LY96: variants seen among roughly 807,000 people sequenced by gnomAD.
The protein encoded by LY96 is lymphocyte antigen 96, also known as myeloid differentiation protein-2.
In LY96, 18 loss-of-function variants were observed where a neutral mutation model predicts 18.9. The ratio of observed to expected loss-of-function variants is 0.95; its 90% CI spans 0.66 to 1.41. The LOEUF is 1.41. LY96 is among the 40% of genes most tolerant of loss of function. LY96 has a pLI of 0.00. For synonymous variants in LY96, 66 were observed against 62.6 expected (o/e 1.06, Z -0.26); for missense variants, 175 against 182.4 (o/e 0.96, Z 0.23).
the LY96 span, among the ~76,000 whole-genome samples, chr8:74,045,360 A>C: frequency 4.6e-5 from 7 of 152,236 alleles, no homozygotes; most frequent in Non-Finnish European, 1.0e-4. Flanking sequence ...CAGTGACAAA[A>C]ACAAAGGCAC....
the LY96 span, among the ~76,000 whole-genome samples, chr8:74,058,015 A>G: frequency 6.6e-6 from 1 of 152,130 alleles, no homozygotes; most frequent in Admixed American, 6.5e-5. Context: ...GGCCTTCAAT[A>G]CTTCGTGAGC....
chr8:74,066,728 G>A, the LY96 span, among the ~76,000 whole-genome samples: 3 of 152,164 alleles, frequency 2.0e-5, no homozygotes, highest in Admixed American at 2.0e-4. Context: ...AGGCAGGGTG[G>A]ACCCAAGGCA....
In LY96 at chr8:73,996,317, T is replaced by TTTCCTTCCTTCCTTCC. The variant is rs58734426; in HGVS notation, c.112+4799_112+4814dup. ...CACGCTAGGCCTAAAACCTGTTTCTTTTCCTTCCTTCCTTCCTTCCTTCCT... is the reference window on the plus strand; with the variant it reads ...CACGCTAGGCCTAAAACCTGTTTCTTTTCCTTCCTTCCTTCCTTCCTTCCTTCCTTCCTTCCTTCCT... On this transcript the variant is annotated intron_variant, in intron 1 of 4. Coordinates refer to ENST00000284818, the MANE Select transcript of LY96 (RefSeq NM_015364.5). Among the ~76,000 whole-genome samples, 223 of 116,368 alleles carry TTTCCTTCCTTCCTTCC rather than the reference T, an allele frequency of 1.9e-3. 2 individuals carry two copies. The highest frequency in any genetic ancestry group is 4.5e-3 in the Middle Eastern group (1 of 220). The allele number at this position is 116,368 out of a possible 152,430, so 76.3% of individuals were successfully genotyped here.
chr8:74,075,865 C>T, the LY96 span, among the ~76,000 whole-genome samples: 1 of 152,126 alleles, frequency 6.6e-6, no homozygotes, highest in East Asian at 1.9e-4. Flanking sequence ...AAATTGGATT[C>T]TCTGGAAGCA....
chr8:74,019,678 A>G (rs1816719978), intron 3 of LY96, among the ~76,000 whole-genome samples: 1 of 152,356 alleles, frequency 6.6e-6, no homozygotes, highest in Non-Finnish European at 1.5e-5. Context: ...TCAATAAAAT[A>G]CTGGCAAACC....
At chr8:74,041,633 T>C in the LY96 span, among the ~76,000 whole-genome samples, 3 of 152,204 alleles carry the variant, frequency 2.0e-5, no homozygotes. Context: ...AGTGTCTGTC[T>C]TATGCGGTTG....
chr8:74,047,490 G>A, the LY96 span, among the ~76,000 whole-genome samples: 1 of 152,336 alleles, frequency 6.6e-6, no homozygotes, highest in South Asian at 2.1e-4. Flanking sequence ...CAAGTTGGCT[G>A]TCTACTTTGA....
At chr8:74,059,626 A>G in the LY96 span, among the ~76,000 whole-genome samples, 17 of 152,352 alleles carry the variant, frequency 1.1e-4, no homozygotes, top group Non-Finnish European at 2.5e-4. Flanking sequence ...TGAAATGTCT[A>G]ATTCACATTT....
At position 73,991,566 on chromosome 8, in the gene LY96, C is replaced by A; in HGVS notation, c.112+12C>A. ...ATACACCTACTGTGGTAAGTAAAAC[C>A]GCAAAACAAATAATTGTAGCATCAA... is the stretch of plus-strand genomic sequence containing the variant. On this transcript the variant is annotated intron_variant, in intron 1 of 4. Transcript: ENST00000284818. The A allele has an allele frequency of 1.4e-6, 2 of 1,446,730 alleles. No homozygotes were observed. The highest frequency in any genetic ancestry group is 1.1e-5 in the South Asian group (1 of 87,584). The allele number at this position is 1,446,730 out of a possible 1,614,324, so 89.6% of individuals were successfully genotyped here. A position where few individuals can be genotyped will look rare whatever the true frequency, so the allele number is the denominator to read the frequency against.
the LY96 span, among the ~76,000 whole-genome samples, chr8:74,046,016 T>A: frequency 6.6e-6 from 1 of 152,084 alleles, no homozygotes; most frequent in Non-Finnish European, 1.5e-5. Flanking sequence ...CGGTGGCTCG[T>A]GCCTGAAATC....
At chr8:74,008,724 G>T (rs953183996) in intron 2 of LY96, among the ~76,000 whole-genome samples, 2 of 152,172 alleles carry the variant, frequency 1.3e-5, no homozygotes, top group Non-Finnish European at 2.9e-5. Context: ...AAATACATGG[G>T]ATCAATGCTC....
the LY96 span, among the ~76,000 whole-genome samples, chr8:74,051,328 C>A: frequency 2.6e-5 from 4 of 152,116 alleles, no homozygotes; most frequent in African/African-American, 9.7e-5. Flanking sequence ...AGGATTAGTG[C>A]TTGAGAATTC....
the LY96 span, among the ~76,000 whole-genome samples, chr8:74,086,017 A>G: frequency 1.3e-5 from 2 of 152,194 alleles, no homozygotes; most frequent in South Asian, 2.1e-4. Context: ...GAAAGTTTGT[A>G]CCCTCTGACC....
downstream of LY96, among the ~76,000 whole-genome samples, chr8:74,029,409 C>G (rs1472681005): frequency 6.6e-6 from 1 of 152,172 alleles, no homozygotes; most frequent in Non-Finnish European, 1.5e-5. Context: ...CCCCACATGT[C>G]ATGGGGGACC....
chr8:74,011,329 A>G (rs1460630607), intron 3 of LY96, among the ~76,000 whole-genome samples: 3 of 152,236 alleles, frequency 2.0e-5, no homozygotes, highest in Non-Finnish European at 4.4e-5. Context: ...CTAGGCAAAG[A>G]ATTTATGACA....
chr8:74,082,893 T>C, the LY96 span, among the ~76,000 whole-genome samples: 2 of 152,128 alleles, frequency 1.3e-5, no homozygotes, highest in African/African-American at 4.8e-5. Flanking sequence ...GGATGTTCCT[T>C]TCACCCCAGG....
At chr8:74,091,097 A>G in the LY96 span, among the ~76,000 whole-genome samples, 1 of 124,474 alleles carries the variant, frequency 8.0e-6, no homozygotes, top group African/African-American at 2.7e-5. Context: ...GGGTGGATGT[A>G]CAGAAAGGAG....
At chr8:74,050,539 C>T in the LY96 span, among the ~76,000 whole-genome samples, 1 of 151,872 alleles carries the variant, frequency 6.6e-6, no homozygotes, top group African/African-American at 2.4e-5. Context: ...AATATGGACA[C>T]TCTTAATGAA....
At chr8:74,068,075 A>ATAT in the LY96 span, among the ~76,000 whole-genome samples, 3 of 99,344 alleles carry the variant, frequency 3.0e-5, no homozygotes, top group Admixed American at 1.7e-4. Context: ...AAAAAAAAAA[A>ATAT]AAAAAAAAAA....
Sources: gnomAD v4.1 joint callset for allele counts (sites outside exome capture counted in the v4.1 genomes callset) on GRCh38, gnomAD v4.1.1 for gene constraint, MANE v1.5 for transcripts, NCBI Gene and HGNC (gene_info 2026-07-23, HGNC 2026-07-21) for gene names.